GRM1: variants seen among roughly 807,000 people sequenced by gnomAD.
GRM1 encodes metabotropic glutamate receptor 1.
A neutral mutation model predicts 90.9 loss-of-function variants in GRM1; 33 were observed. The observed-to-expected ratio is 0.36, with a 90% CI of 0.28 to 0.49. GRM1 has a LOEUF of 0.49. GRM1 is among the 20% of genes least tolerant of loss of function. The pLI is 0.99. For synonymous variants in GRM1, 700 were observed against 613.2 expected (o/e 1.14, Z -2.09); for missense variants, 1,190 against 1,534.3 (o/e 0.78, Z 3.75).
At chr6:146,286,199 A>G in intron 2 of GRM1, among the ~76,000 whole-genome samples, 1 of 152,210 alleles carries the variant, frequency 6.6e-6, no homozygotes, top group Non-Finnish European at 1.5e-5. Context: ...AGTTATTTAT[A>G]AAAGTCATTA....
At chr6:146,224,630 A>G (rs555049167) in intron 2 of GRM1, among the ~76,000 whole-genome samples, 7 of 152,294 alleles carry the variant, frequency 4.6e-5, no homozygotes, top group South Asian at 2.1e-4. Flanking sequence ...GTTTCGTAAC[A>G]TGTCCAGTCC....
At chr6:146,183,830 C>A (rs143644048) in intron 2 of GRM1, among the ~76,000 whole-genome samples, 1 of 152,200 alleles carries the variant, frequency 6.6e-6, no homozygotes, top group Non-Finnish European at 1.5e-5. Context: ...ACCCTGACTT[C>A]TATCTCTTGC....
intron 1 of GRM1, among the ~76,000 whole-genome samples, chr6:146,055,131 A>G (rs73576925): frequency 0.021 from 3,256 of 152,214 alleles, 110 homozygotes; most frequent in African/African-American, 0.074. Context: ...TTTTTAAAAC[A>G]TGTTGAATAA....
At chr6:146,325,639 C>T (rs1430377663) in intron 3 of GRM1, among the ~76,000 whole-genome samples, 1 of 152,198 alleles carries the variant, frequency 6.6e-6, no homozygotes. Flanking sequence ...ATCCCACATT[C>T]TCTGATCCAA....
intron 2 of GRM1, among the ~76,000 whole-genome samples, chr6:146,280,353 T>C (rs1014906163): frequency 1.3e-4 from 20 of 152,194 alleles, no homozygotes; most frequent in Non-Finnish European, 2.9e-4. Context: ...GTTTTAGTGT[T>C]ATTTAAGGGA....
intron 2 of GRM1, among the ~76,000 whole-genome samples, chr6:146,200,440 G>A (rs1463535513): frequency 3.9e-5 from 6 of 152,090 alleles, no homozygotes; most frequent in South Asian, 2.1e-4. Flanking sequence ...CACACCAGGC[G>A]TATTCCCCCA....
intron 1 of GRM1, among the ~76,000 whole-genome samples, chr6:146,087,348 A>G (rs1014802347): frequency 2.0e-5 from 3 of 152,162 alleles, no homozygotes; most frequent in Admixed American, 1.3e-4. Context: ...ACTATCTTAC[A>G]TAACCACAGT....
chr6:146,081,553 G>A (rs2128863451), intron 1 of GRM1, among the ~76,000 whole-genome samples: 1 of 152,288 alleles, frequency 6.6e-6, no homozygotes, highest in East Asian at 1.9e-4. Context: ...AATATAAAGT[G>A]AAGTGAATGG....
At chr6:146,159,039 T>TA (rs1777616622) in intron 1 of GRM1, among the ~76,000 whole-genome samples, 1 of 152,216 alleles carries the variant, frequency 6.6e-6, no homozygotes, top group African/African-American at 2.4e-5. Context: ...CCTACGTGGT[T>TA]AAAATCTGGG....
intron 1 of GRM1, among the ~76,000 whole-genome samples, chr6:146,125,833 C>G (rs545981879): frequency 6.6e-6 from 1 of 151,998 alleles, no homozygotes; most frequent in African/African-American, 2.4e-5. Flanking sequence ...TTGAAGGAAG[C>G]AGCCTATTCT....
At chr6:146,412,558 A>C (rs2114630657) in intron 7 of GRM1, among the ~76,000 whole-genome samples, 1 of 152,314 alleles carries the variant, frequency 6.6e-6, no homozygotes, top group East Asian at 1.9e-4. Context: ...ATATTGAATT[A>C]TGTAGTAAGT....
chr6:146,232,303 A>C (rs1780475320), intron 2 of GRM1, among the ~76,000 whole-genome samples: 1 of 151,994 alleles, frequency 6.6e-6, no homozygotes, highest in African/African-American at 2.4e-5. Context: ...TTGTAGATCT[A>C]TCTTCTTTGT....
At position 146,285,888 on chromosome 6, in the gene GRM1, G is replaced by A. The variant is rs374384506; in HGVS notation, c.951-18723G>A. ...TTCATAGCTTAATAGCTCTTAGTAC[G>A]CCTGGAAAATTGGATATGCATATTT... On this transcript the variant is annotated intron_variant, in intron 2 of 7. Transcript: ENST00000282753. Among the ~76,000 whole-genome samples, 23 of 152,200 alleles carry A rather than the reference G, an allele frequency of 1.5e-4. No homozygotes were observed. The South Asian group carries it at 4.6e-3, about 30-fold the overall frequency.
At chr6:146,194,382 A>C (rs986777459) in intron 2 of GRM1, among the ~76,000 whole-genome samples, 3 of 152,134 alleles carry the variant, frequency 2.0e-5, no homozygotes, top group Non-Finnish European at 4.4e-5. Context: ...TAAGCCTTCA[A>C]ATCAATGACT....
chr6:146,372,052 G>T (rs771106189), intron 5 of GRM1, among the ~76,000 whole-genome samples: 19 of 152,104 alleles, frequency 1.2e-4, no homozygotes, highest in Non-Finnish European at 2.5e-4. Context: ...TCTCCATAGT[G>T]ATTGTACTAA....
In GRM1 at chr6:146,159,545, C is replaced by T. The variant is rs748080606; in HGVS notation, c.898C>T (p.Leu300=). 16 of 1,613,778 alleles carry T rather than the reference C, an allele frequency of 9.9e-6. No individual in the cohort carries two copies. In the Admixed American group the frequency reaches 2.3e-4, roughly 24 times the overall value. The stretch of plus-strand genomic sequence containing the variant: ...TGAAGGCATGACAGTGCGAGGACTC[C>T]TGAGCGCCATGCGGCGCCTTGGCGT... ...FCEGMTVRGL[L]SAMRRLGVVG... is the part of the protein sequence containing the mutation. The change falls in exon 2 of 8, where the codon CTG becomes TTG. Residue 300 remains leucine, a synonymous_variant. Transcript: ENST00000282753.
intron 1 of GRM1, among the ~76,000 whole-genome samples, chr6:146,126,408 T>C (rs1776201773): frequency 6.6e-6 from 1 of 152,150 alleles, no homozygotes; most frequent in African/African-American, 2.4e-5. Flanking sequence ...TATATTTGTA[T>C]ACAAGTATAC....
chr6:146,290,418 A>G (rs1027860882), intron 2 of GRM1, among the ~76,000 whole-genome samples: 1 of 152,178 alleles, frequency 6.6e-6, no homozygotes, highest in African/African-American at 2.4e-5. Flanking sequence ...CAGACTCACA[A>G]AATTATACAG....
intron 1 of GRM1, among the ~76,000 whole-genome samples, chr6:146,145,354 C>T (rs1299006299): frequency 6.6e-6 from 1 of 152,088 alleles, no homozygotes; most frequent in Admixed American, 6.5e-5. Flanking sequence ...TTAGGCTGTC[C>T]CCCCATCACA....
Sources: allele counts gnomAD v4.1 joint callset (sites outside exome capture counted in the v4.1 genomes callset), GRCh38; gene constraint gnomAD v4.1.1; transcripts MANE v1.5; gene names NCBI Gene and HGNC (gene_info 2026-07-23, HGNC 2026-07-21).